DCDC1: variants seen among roughly 807,000 people sequenced by gnomAD.
The protein encoded by DCDC1 is doublecortin domain-containing protein 1.
A neutral mutation model predicts 178.3 loss-of-function variants in DCDC1; 200 were observed. The ratio of observed to expected loss-of-function variants is 1.12; its 90% CI spans 1.00 to 1.26. The LOEUF (loss-of-function observed/expected upper bound fraction) is 1.26, where lower values mean the gene tolerates loss of function less well. Ranked by LOEUF, DCDC1 falls within the 50% of genes most tolerant of loss-of-function variation. DCDC1 has a pLI of 0.00. For synonymous variants in DCDC1, 690 were observed against 604.8 expected (o/e 1.14, Z -2.07); for missense variants, 1,983 against 1,749.2 (o/e 1.13, Z -2.38).
intron 10 of DCDC1, among the ~76,000 whole-genome samples, chr11:31,132,125 T>C (rs1962525138): frequency 6.6e-6 from 1 of 152,220 alleles, no homozygotes; most frequent in Non-Finnish European, 1.5e-5. Flanking sequence ...ATTACACCAA[T>C]TATCACCTGA....
At chr11:30,937,620 A>T (rs766827237) in intron 21 of DCDC1, among the ~76,000 whole-genome samples, 3 of 152,126 alleles carry the variant, frequency 2.0e-5, no homozygotes, top group Non-Finnish European at 2.9e-5. Context: ...CCACAGTGGA[A>T]ACCATGATTT....
intron 20 of DCDC1, among the ~76,000 whole-genome samples, chr11:31,030,873 C>G (rs1401901737): frequency 6.6e-6 from 1 of 150,560 alleles, no homozygotes; most frequent in African/African-American, 2.4e-5. Context: ...AAAAAAAAAC[C>G]ACTAATCTAG....
intron 20 of DCDC1, among the ~76,000 whole-genome samples, chr11:31,048,715 G>C (rs1300764298): frequency 1.3e-5 from 2 of 152,158 alleles, no homozygotes; most frequent in Non-Finnish European, 2.9e-5. Context: ...AAATTAGCCA[G>C]ACGTGGTGGC....
At chr11:31,131,797 T>A (rs924818657) in intron 10 of DCDC1, among the ~76,000 whole-genome samples, 1 of 152,160 alleles carries the variant, frequency 6.6e-6, no homozygotes, top group South Asian at 2.1e-4. Flanking sequence ...ATTATAATGT[T>A]CTCTATAATT....
At chr11:30,939,564 TA>T (rs1303023619) in intron 21 of DCDC1, among the ~76,000 whole-genome samples, 1 of 152,202 alleles carries the variant, frequency 6.6e-6, no homozygotes, top group Non-Finnish European at 1.5e-5. Flanking sequence ...ACTATGGGGT[TA>T]AAATCTTCCC....
chr11:31,242,042 T>C (rs930814679), intron 8 of DCDC1, among the ~76,000 whole-genome samples: 1 of 151,988 alleles, frequency 6.6e-6, no homozygotes, highest in Non-Finnish European at 1.5e-5. Flanking sequence ...AAACATCGCA[T>C]CTGGAAATTA....
intron 1 of DCDC1, among the ~76,000 whole-genome samples, chr11:31,359,771 T>C (rs1422910432): frequency 6.6e-6 from 1 of 152,128 alleles, no homozygotes; most frequent in Non-Finnish European, 1.5e-5. Context: ...TGTGGGGGTG[T>C]GAGATACTGA....
At chr11:31,356,744 A>G (rs1256459520) in intron 1 of DCDC1, among the ~76,000 whole-genome samples, 3 of 150,566 alleles carry the variant, frequency 2.0e-5, no homozygotes, top group Admixed American at 1.3e-4. Context: ...ATAAAAAATG[A>G]TAAAGGGGAT....
intron 1 of DCDC1, among the ~76,000 whole-genome samples, chr11:31,343,620 T>C (rs1269460510): frequency 6.6e-6 from 1 of 151,832 alleles, no homozygotes; most frequent in Admixed American, 6.6e-5. Context: ...CCCTGTCTCT[T>C]AAAAAAATAA....
intron 9 of DCDC1, among the ~76,000 whole-genome samples, chr11:31,238,115 T>A (rs1388100873): frequency 2.6e-5 from 4 of 152,094 alleles, no homozygotes; most frequent in African/African-American, 9.7e-5. Flanking sequence ...GTACTATGCA[T>A]TCTTATGTAA....
intron 9 of DCDC1, among the ~76,000 whole-genome samples, chr11:31,152,344 ATAGAG>A (rs1965256726): frequency 6.6e-6 from 1 of 152,100 alleles, no homozygotes; most frequent in African/African-American, 2.4e-5. Context: ...AGGCTGGGAG[ATAGAG>A]TATAGTTGTA....
At chr11:31,213,424 A>T (rs1030128515) in intron 9 of DCDC1, among the ~76,000 whole-genome samples, 3 of 152,034 alleles carry the variant, frequency 2.0e-5, no homozygotes, top group Admixed American at 6.6e-5. Context: ...AGGCATTAAA[A>T]GTGGTCACCT....
chr11:30,934,756 G>A (rs1236658464), intron 21 of DCDC1, among the ~76,000 whole-genome samples: 2 of 152,118 alleles, frequency 1.3e-5, no homozygotes, highest in East Asian at 1.9e-4. Context: ...GCCTGGGGTC[G>A]TCCTGCAGCA....
intron 17 of DCDC1, among the ~76,000 whole-genome samples, chr11:31,081,426 G>A (rs1400716392): frequency 6.6e-6 from 1 of 152,072 alleles, no homozygotes; most frequent in Non-Finnish European, 1.5e-5. Flanking sequence ...TGGCTAACAT[G>A]GTGAAACCTC....
chr11:31,315,671 A>C (rs1453459985), intron 3 of DCDC1, among the ~76,000 whole-genome samples: 1 of 101,396 alleles, frequency 9.9e-6, no homozygotes, highest in Non-Finnish European at 2.0e-5. Flanking sequence ...TTTTTTTATT[A>C]AACTCTAAGT....
At chr11:31,311,937 G>A (rs916398207) in intron 3 of DCDC1, among the ~76,000 whole-genome samples, 1 of 152,084 alleles carries the variant, frequency 6.6e-6, no homozygotes, top group Non-Finnish European at 1.5e-5. Flanking sequence ...CCAGTCACAA[G>A]AACAATGAGG....
intron 4 of DCDC1, among the ~76,000 whole-genome samples, chr11:31,306,686 AATAT>A (rs1022542485): frequency 6.6e-6 from 1 of 151,606 alleles, no homozygotes; most frequent in Non-Finnish European, 1.5e-5. Context: ...GTCCTTTTAA[AATAT>A]ATATATATTA....
At chr11:31,212,515 A>C (rs2136544251) in intron 9 of DCDC1, among the ~76,000 whole-genome samples, 1 of 152,312 alleles carries the variant, frequency 6.6e-6, no homozygotes, top group South Asian at 2.1e-4. Flanking sequence ...AACTGGGCAA[A>C]GATATGAATG....
intron 8 of DCDC1, among the ~76,000 whole-genome samples, chr11:31,252,518 C>T (rs1944111463): frequency 6.6e-6 from 1 of 151,968 alleles, no homozygotes; most frequent in South Asian, 2.1e-4. Flanking sequence ...TTTTAGGTAA[C>T]ATACTGACCT....
Sources: gnomAD v4.1 joint callset for allele counts (sites outside exome capture counted in the v4.1 genomes callset) on GRCh38, gnomAD v4.1.1 for gene constraint, MANE v1.5 for transcripts, NCBI Gene and HGNC (gene_info 2026-07-23, HGNC 2026-07-21) for gene names.